CHCHD3: variants seen among roughly 807,000 people sequenced by gnomAD.
CHCHD3 encodes coiled-coil-helix-coiled-coil-helix domain containing 3, also known as MICOS complex subunit MIC19.
In CHCHD3, 20 loss-of-function variants were observed where a neutral mutation model predicts 38.2. That is an observed-to-expected ratio of 0.52 (90% CI 0.37 to 0.76). The LOEUF is 0.76. Ranked by LOEUF, CHCHD3 falls within the 30% of genes least tolerant of loss-of-function variation. The probability of loss-of-function intolerance (pLI) is 0.00; values close to 1 mark genes in which losing one functional copy is unlikely to be tolerated. For synonymous variants in CHCHD3, 82 were observed against 100.0 expected (o/e 0.82, Z 1.07); for missense variants, 245 against 279.2 (o/e 0.88, Z 0.87).
At chr7:132,936,492 A>G (rs1810635732) in intron 4 of CHCHD3, among the ~76,000 whole-genome samples, 1 of 152,092 alleles carries the variant, frequency 6.6e-6, no homozygotes, top group African/African-American at 2.4e-5. Flanking sequence ...CACAAATTAA[A>G]TTTTCACACC....
At chr7:132,799,104 T>G (rs1666601826) in intron 6 of CHCHD3, among the ~76,000 whole-genome samples, 1 of 151,838 alleles carries the variant, frequency 6.6e-6, no homozygotes. Flanking sequence ...ATTAATGATT[T>G]GATGGTAGAA....
chr7:132,863,376 C>T (rs1312973872), intron 5 of CHCHD3, among the ~76,000 whole-genome samples: 1 of 152,158 alleles, frequency 6.6e-6, no homozygotes, highest in Non-Finnish European at 1.5e-5. Context: ...AGAGGTAGAT[C>T]TCAACAGTAG....
intron 7 of CHCHD3, among the ~76,000 whole-genome samples, chr7:132,796,219 T>C (rs1029045697): frequency 3.9e-5 from 6 of 152,304 alleles, no homozygotes; most frequent in African/African-American, 1.2e-4. Flanking sequence ...GAATCCTTTT[T>C]TCTGCAAGTA....
At chr7:133,033,915 G>A (rs1390330719) in intron 2 of CHCHD3, among the ~76,000 whole-genome samples, 1 of 150,672 alleles carries the variant, frequency 6.6e-6, no homozygotes, top group Non-Finnish European at 1.5e-5. Context: ...AATGGAAAAG[G>A]TGGGTACAAA....
At chr7:132,842,558 T>C (rs1030358468) in intron 5 of CHCHD3, among the ~76,000 whole-genome samples, 11 of 152,208 alleles carry the variant, frequency 7.2e-5, no homozygotes, top group African/African-American at 2.4e-4. Flanking sequence ...TTGGATCCTA[T>C]GTTGTATTAA....
intron 6 of CHCHD3, among the ~76,000 whole-genome samples, chr7:132,813,869 T>C (rs1807135665): frequency 1.3e-5 from 2 of 152,294 alleles, no homozygotes; most frequent in South Asian, 4.1e-4. Context: ...GCCTCCAGCA[T>C]GGGGTACATA....
intron 6 of CHCHD3, chr7:132,815,735 C>A: frequency 3.0e-6 from 1 of 332,460 alleles, no homozygotes; most frequent in South Asian, 2.4e-5. Flanking sequence ...TCTCTTCCTC[C>A]TTTCTCTCCC....
chr7:133,059,817 G>C (rs1584679026), intron 2 of CHCHD3, among the ~76,000 whole-genome samples: 1 of 152,158 alleles, frequency 6.6e-6, no homozygotes, highest in East Asian at 1.9e-4. Flanking sequence ...AGTGGACACA[G>C]GCACTTGTAC....
chr7:132,809,172 G>T (rs1448816632), intron 6 of CHCHD3, among the ~76,000 whole-genome samples: 1 of 151,272 alleles, frequency 6.6e-6, no homozygotes, highest in Non-Finnish European at 1.5e-5. Context: ...TGTTGCCCAG[G>T]CTGGTCTCAA....
intron 2 of CHCHD3, among the ~76,000 whole-genome samples, chr7:133,042,136 A>G (rs1584666679): frequency 1.3e-5 from 2 of 152,320 alleles, no homozygotes; most frequent in African/African-American, 4.8e-5. Context: ...TTTTTCCAGC[A>G]TAGCATGTCC....
At chr7:132,916,695 C>T (rs1407626564) in intron 4 of CHCHD3, among the ~76,000 whole-genome samples, 1 of 152,166 alleles carries the variant, frequency 6.6e-6, no homozygotes, top group Admixed American at 6.5e-5. Context: ...GATCCTCCCA[C>T]CTCAGCCTCC....
intron 4 of CHCHD3, among the ~76,000 whole-genome samples, chr7:132,949,074 A>G (rs1177306219): frequency 2.0e-5 from 3 of 152,204 alleles, no homozygotes; most frequent in Non-Finnish European, 4.4e-5. Flanking sequence ...ATATCTAAAT[A>G]GTTTTGAAAA....
intron 6 of CHCHD3, among the ~76,000 whole-genome samples, chr7:132,800,025 T>C (rs2117034666): frequency 6.6e-6 from 1 of 152,278 alleles, no homozygotes; most frequent in East Asian, 1.9e-4. Context: ...TTCTGGTAGA[T>C]ATTCTGTAGC....
At chr7:132,791,327 AGTGGGCT>A (rs1466913128) in intron 7 of CHCHD3, among the ~76,000 whole-genome samples, 8 of 152,166 alleles carry the variant, frequency 5.3e-5, no homozygotes, top group Admixed American at 3.9e-4. Flanking sequence ...TGAATTTAAG[AGTGGGCT>A]GTTTGGTCTG....
chr7:132,819,492 T>C (rs1479623433), intron 6 of CHCHD3, among the ~76,000 whole-genome samples: 1 of 152,192 alleles, frequency 6.6e-6, no homozygotes, highest in Non-Finnish European at 1.5e-5. Flanking sequence ...GGACATTTTA[T>C]AAGAGTTCAA....
intron 4 of CHCHD3, among the ~76,000 whole-genome samples, chr7:132,942,793 T>G (rs1810800885): frequency 6.6e-6 from 1 of 152,128 alleles, no homozygotes; most frequent in African/African-American, 2.4e-5. Context: ...TTGTTCATAA[T>G]GAAATGAAGA....
At chr7:133,059,094 C>T (rs1296785129) in intron 2 of CHCHD3, among the ~76,000 whole-genome samples, 2 of 152,086 alleles carry the variant, frequency 1.3e-5, no homozygotes, top group African/African-American at 4.8e-5. Context: ...GCCTCAGAGG[C>T]TTGAGGAAAT....
intron 5 of CHCHD3, among the ~76,000 whole-genome samples, chr7:132,844,883 T>C (rs1305623732): frequency 6.6e-6 from 1 of 152,238 alleles, no homozygotes; most frequent in African/African-American, 2.4e-5. Context: ...AAACAATAGG[T>C]ATTTTGATTT....
chr7:132,800,781 G>A (rs922936036), intron 6 of CHCHD3, among the ~76,000 whole-genome samples: 1 of 152,076 alleles, frequency 6.6e-6, no homozygotes, highest in East Asian at 1.9e-4. Flanking sequence ...CAGAGAGAGG[G>A]AGAAGAGAGG....
Sources: allele counts gnomAD v4.1 joint callset (sites outside exome capture counted in the v4.1 genomes callset), GRCh38; gene constraint gnomAD v4.1.1; transcripts MANE v1.5; gene names NCBI Gene and HGNC (gene_info 2026-07-23, HGNC 2026-07-21).